MSRB3: variants seen among roughly 807,000 people sequenced by gnomAD.
The protein encoded by MSRB3 is methionine sulfoxide reductase B3, also known as methionine-R-sulfoxide reductase B3.
A neutral mutation model predicts 21.0 loss-of-function variants in MSRB3; 13 were observed. That is an observed-to-expected ratio of 0.62 (90% CI 0.40 to 0.98). The LOEUF is 0.98. Ranked by LOEUF, MSRB3 falls within the 50% of genes least tolerant of loss-of-function variation. The pLI, the probability that MSRB3 is intolerant of heterozygous loss-of-function variation, is 0.00. For synonymous variants in MSRB3, 87 were observed against 88.6 expected (o/e 0.98, Z 0.10); for missense variants, 199 against 230.3 (o/e 0.86, Z 0.88).
intron 4 of MSRB3, among the ~76,000 whole-genome samples, chr12:65,367,863 T>C (rs1376735910): frequency 4.0e-5 from 6 of 151,650 alleles, no homozygotes; most frequent in African/African-American, 1.5e-4. Flanking sequence ...CGTGTACATG[T>C]ATATGTGTGT....
At chr12:65,424,851 G>A (rs570122696) in intron 5 of MSRB3, among the ~76,000 whole-genome samples, 16 of 148,822 alleles carry the variant, frequency 1.1e-4, no homozygotes, top group South Asian at 4.3e-4. Flanking sequence ...GTTCAAGTCC[G>A]GTGTTTCCTT....
At chr12:65,403,451 T>TC (rs1351793868) in intron 5 of MSRB3, among the ~76,000 whole-genome samples, 3 of 152,116 alleles carry the variant, frequency 2.0e-5, no homozygotes, top group Admixed American at 2.0e-4. Context: ...TGGACGCCCC[T>TC]CCCCCCACCA....
At chr12:65,299,355 A>C (rs148727663) in intron 1 of MSRB3, among the ~76,000 whole-genome samples, 1 of 152,170 alleles carries the variant, frequency 6.6e-6, no homozygotes, top group African/African-American at 2.4e-5. Context: ...ATACTAGTCC[A>C]AGGTTGGGCT....
At chr12:65,349,293 T>G (rs1231322498) in intron 4 of MSRB3, among the ~76,000 whole-genome samples, 4 of 151,856 alleles carry the variant, frequency 2.6e-5, no homozygotes, top group African/African-American at 9.7e-5. Context: ...CACATTTTCT[T>G]AATCCAGTCT....
chr12:65,386,939 G>C (rs1298097831), intron 5 of MSRB3, among the ~76,000 whole-genome samples: 2 of 151,960 alleles, frequency 1.3e-5, no homozygotes, highest in Admixed American at 6.6e-5. Flanking sequence ...TGAAAGGGTA[G>C]AATTATTGGT....
At chr12:65,419,959 C>G (rs1881199066) in intron 5 of MSRB3, 1 of 569,688 alleles carries the variant, frequency 1.8e-6, no homozygotes, top group Non-Finnish European at 3.4e-6. Context: ...TAGCTGGGCA[C>G]CTGGATGGAG....
At chr12:65,408,274 T>C (rs1047518976) in intron 5 of MSRB3, among the ~76,000 whole-genome samples, 1 of 152,110 alleles carries the variant, frequency 6.6e-6, no homozygotes, top group African/African-American at 2.4e-5. Context: ...TTTGTACTTT[T>C]AGTTGAGATG....
intron 2 of MSRB3, among the ~76,000 whole-genome samples, chr12:65,313,847 G>A (rs1022515260): frequency 2.0e-5 from 3 of 151,982 alleles, no homozygotes; most frequent in Admixed American, 6.6e-5. Context: ...ATTTCAACCC[G>A]TAATTCACAA....
At chr12:65,334,984 G>A (rs1875666791) in intron 4 of MSRB3, among the ~76,000 whole-genome samples, 1 of 152,002 alleles carries the variant, frequency 6.6e-6, no homozygotes, top group African/African-American at 2.4e-5. Context: ...TATTGTAAAT[G>A]TCTATCTTAC....
chr12:65,454,152 T>C (rs1410526603), intron 6 of MSRB3: 2 of 550,316 alleles, frequency 3.6e-6, no homozygotes, highest in Non-Finnish European at 6.4e-6. Context: ...CAGGGCATGG[T>C]AGCATATGCC....
At chr12:65,333,203 T>G (rs1410420113) in intron 4 of MSRB3, among the ~76,000 whole-genome samples, 1 of 152,240 alleles carries the variant, frequency 6.6e-6, no homozygotes, top group Non-Finnish European at 1.5e-5. Flanking sequence ...ATTTATGAAA[T>G]ATTTTTTTCC....
At chr12:65,348,997 C>G (rs1452895339) in intron 4 of MSRB3, among the ~76,000 whole-genome samples, 1 of 151,772 alleles carries the variant, frequency 6.6e-6, no homozygotes, top group Non-Finnish European at 1.5e-5. Flanking sequence ...CATGCTGGTG[C>G]GCTGCACCCA....
chr12:65,348,744 A>C (rs2136488535), intron 4 of MSRB3, among the ~76,000 whole-genome samples: 1 of 152,224 alleles, frequency 6.6e-6, no homozygotes, highest in Middle Eastern at 3.4e-3. Flanking sequence ...ATTTCCCCCT[A>C]CACACGGCTT....
chr12:65,432,003 T>C (rs1413414021), intron 5 of MSRB3, among the ~76,000 whole-genome samples: 2 of 152,072 alleles, frequency 1.3e-5, no homozygotes, highest in Non-Finnish European at 2.9e-5. Context: ...GACTTCAGTA[T>C]CTTTGGTTTC....
At chr12:65,432,639 A>C (rs1414850198) in intron 5 of MSRB3, among the ~76,000 whole-genome samples, 2 of 151,372 alleles carry the variant, frequency 1.3e-5, no homozygotes, top group Non-Finnish European at 3.0e-5. Flanking sequence ...CGCCATCCCC[A>C]TTTGTAGCTT....
intron 5 of MSRB3, among the ~76,000 whole-genome samples, chr12:65,417,395 A>G (rs1029803158): frequency 1.3e-5 from 2 of 152,184 alleles, no homozygotes; most frequent in African/African-American, 4.8e-5. Context: ...ATTGTATATA[A>G]TTATGGTGTA....
At chr12:65,402,166 A>G (rs1298599936) in intron 5 of MSRB3, among the ~76,000 whole-genome samples, 1 of 152,074 alleles carries the variant, frequency 6.6e-6, no homozygotes, top group Non-Finnish European at 1.5e-5. Flanking sequence ...CTGGCTTGCT[A>G]GGTTGGGGAA....
intron 2 of MSRB3, among the ~76,000 whole-genome samples, chr12:65,312,532 T>C (rs1283330266): frequency 6.6e-6 from 1 of 152,104 alleles, no homozygotes; most frequent in Non-Finnish European, 1.5e-5. Context: ...CTAATTAGAG[T>C]GATAAATTAT....
intron 6 of MSRB3, among the ~76,000 whole-genome samples, chr12:65,459,551 T>A (rs957350917): frequency 4.6e-5 from 7 of 152,192 alleles, no homozygotes; most frequent in African/African-American, 1.4e-4. Context: ...GTGTCTTCAA[T>A]AACAGTGGGA....
Sources: allele counts gnomAD v4.1 joint callset (sites outside exome capture counted in the v4.1 genomes callset), GRCh38; gene constraint gnomAD v4.1.1; transcripts MANE v1.5; gene names NCBI Gene and HGNC (gene_info 2026-07-23, HGNC 2026-07-21).